Variants in HS6ST3 observed in about 807,000 individuals in gnomAD.
The protein encoded by HS6ST3 is heparan-sulfate 6-O-sulfotransferase 3.
Under a neutral mutation model 36.7 loss-of-function variants are expected in HS6ST3, and 12 were observed. The observed-to-expected ratio is 0.33, with a 90% CI of 0.21 to 0.53. The LOEUF (loss-of-function observed/expected upper bound fraction) is 0.53. HS6ST3 is among the 20% of genes least tolerant of loss of function. The pLI, the probability that HS6ST3 is intolerant of heterozygous loss-of-function variation, is 0.95. For missense variants in HS6ST3, 584 were observed against 640.9 expected (o/e 0.91, Z 0.96); for synonymous variants, 240 against 257.5 (o/e 0.93, Z 0.65).
chr13:96,267,952 CCTT>C (rs1188573267), intron 1 of HS6ST3, among the ~76,000 whole-genome samples: 1 of 151,834 alleles, frequency 6.6e-6, no homozygotes, highest in East Asian at 1.9e-4. Context: ...TAGGCAGCTT[CCTT>C]CTTGCTGTGT....
At chr13:96,145,974 C>T (rs1300174668) in intron 1 of HS6ST3, among the ~76,000 whole-genome samples, 2 of 152,056 alleles carry the variant, frequency 1.3e-5, no homozygotes, top group Non-Finnish European at 2.9e-5. Flanking sequence ...AGATACGTGG[C>T]ATTATTTCTG....
chr13:96,309,611 A>T (rs1003499396), intron 1 of HS6ST3, among the ~76,000 whole-genome samples: 3 of 152,170 alleles, frequency 2.0e-5, no homozygotes, highest in African/African-American at 7.2e-5. Flanking sequence ...CCAGAGAGAG[A>T]GAATCAAAGC....
intron 1 of HS6ST3, among the ~76,000 whole-genome samples, chr13:96,614,297 CAAAAAAAAAAAAAA>C (rs67979751): frequency 1.6e-4 from 7 of 43,968 alleles, no homozygotes; most frequent in Admixed American, 8.5e-4. Flanking sequence ...GGATCCATCT[CAAAAAAAAAAAAAA>C]AAAAAAAAAA....
chr13:96,787,382 C>T (rs1432625457), intron 1 of HS6ST3, among the ~76,000 whole-genome samples: 1 of 151,930 alleles, frequency 6.6e-6, no homozygotes, highest in Non-Finnish European at 1.5e-5. Flanking sequence ...CAGTTGTTTC[C>T]CATCCTTCCC....
chr13:96,352,678 C>T (rs749342651), intron 1 of HS6ST3, among the ~76,000 whole-genome samples: 21 of 151,910 alleles, frequency 1.4e-4, no homozygotes, highest in Non-Finnish European at 2.9e-4. Context: ...GAGGCTGCTA[C>T]CATAGAAGGT....
Position 96,534,863 on chromosome 13 carries a change from G to C in HS6ST3, c.708-297627G>C, listed in dbSNP as rs553868470. Among the ~76,000 whole-genome samples the C allele has an allele frequency of 5.9e-5, 9 of 152,338 alleles. No homozygotes were observed. The South Asian group carries it at 1.9e-3, about 32-fold the overall frequency. On this transcript the variant is annotated intron_variant, in intron 1 of 1. Coordinates refer to ENST00000376705, the MANE Select transcript of HS6ST3 (RefSeq NM_153456.4). ...AGCCCCAGCTACTTAGGGAGGCTGA[G>C]ACAGGAGAATCCCTTGAACCCAGGA...
intron 1 of HS6ST3, among the ~76,000 whole-genome samples, chr13:96,767,737 A>G (rs1459095919): frequency 6.6e-6 from 1 of 152,226 alleles, no homozygotes; most frequent in African/African-American, 2.4e-5. Flanking sequence ...TGGGGACTGA[A>G]GAATGCGGAC....
intron 1 of HS6ST3, among the ~76,000 whole-genome samples, chr13:96,180,624 A>T (rs1247278553): frequency 1.3e-5 from 2 of 152,260 alleles, no homozygotes; most frequent in Non-Finnish European, 2.9e-5. Context: ...CAAAACAATA[A>T]GAATGATTGA....
At chr13:96,320,696 G>A (rs989107381) in intron 1 of HS6ST3, among the ~76,000 whole-genome samples, 1 of 152,232 alleles carries the variant, frequency 6.6e-6, no homozygotes, top group African/African-American at 2.4e-5. Context: ...ACAGCTGCTA[G>A]CCCCAGCATG....
At chr13:96,367,617 A>T (rs1052142623) in intron 1 of HS6ST3, among the ~76,000 whole-genome samples, 2 of 152,182 alleles carry the variant, frequency 1.3e-5, no homozygotes, top group Non-Finnish European at 2.9e-5. Context: ...GTTAACAATG[A>T]TGGAAGTGAA....
chr13:96,717,742 T>C (rs1166630184), intron 1 of HS6ST3, among the ~76,000 whole-genome samples: 1 of 152,156 alleles, frequency 6.6e-6, no homozygotes, highest in Non-Finnish European at 1.5e-5. Context: ...GGTGTCAAGC[T>C]GGAAATGGTG....
intron 1 of HS6ST3, among the ~76,000 whole-genome samples, chr13:96,270,715 G>A (rs2054715514): frequency 6.6e-6 from 1 of 151,842 alleles, no homozygotes; most frequent in African/African-American, 2.4e-5. Context: ...GAAAAGAAAT[G>A]CACATATAAC....
chr13:96,606,220 G>A lies in HS6ST3; in HGVS notation c.708-226270G>A, dbSNP rs201176967. 3.9e-5 allele frequency among the ~76,000 whole-genome samples: 6 copies of A among 152,254 alleles called. No homozygotes were observed. The East Asian group carries it at 9.7e-4, about 25-fold the overall frequency. Reference sequence around the variant, plus strand: ...TTGGACCCAGCAATCCCATTACTGTGTATGTACCCAATGGAAAATAAATAG... The same window carrying A: ...TTGGACCCAGCAATCCCATTACTGTATATGTACCCAATGGAAAATAAATAG... On this transcript the variant is annotated intron_variant, in intron 1 of 1. Coordinates refer to ENST00000376705, the MANE Select transcript of HS6ST3 (RefSeq NM_153456.4).
At chr13:96,447,399 T>G (rs532986497) in intron 1 of HS6ST3, among the ~76,000 whole-genome samples, 1 of 152,352 alleles carries the variant, frequency 6.6e-6, no homozygotes, top group African/African-American at 2.4e-5. Context: ...TAGGAGTTAC[T>G]AAGAAATTAT....
At chr13:96,539,296 C>T (rs893706664) in intron 1 of HS6ST3, among the ~76,000 whole-genome samples, 2 of 152,260 alleles carry the variant, frequency 1.3e-5, no homozygotes, top group African/African-American at 4.8e-5. Context: ...TGTCTCCATC[C>T]TATGACTACG....
At chr13:96,437,246 T>G (rs1325600996) in intron 1 of HS6ST3, among the ~76,000 whole-genome samples, 1 of 152,208 alleles carries the variant, frequency 6.6e-6, no homozygotes, top group Non-Finnish European at 1.5e-5. Flanking sequence ...CCTTGTTAAT[T>G]TTCTCTCCTT....
At chr13:96,489,159 G>T (rs183113157) in intron 1 of HS6ST3, among the ~76,000 whole-genome samples, 1,996 of 151,860 alleles carry the variant, frequency 0.013, 17 homozygotes, top group Non-Finnish European at 0.023. Context: ...AGCATTTCTT[G>T]CCTCTATTAG....
At chr13:96,130,457 A>G (rs2053970299) in intron 1 of HS6ST3, among the ~76,000 whole-genome samples, 1 of 152,154 alleles carries the variant, frequency 6.6e-6, no homozygotes, top group Admixed American at 6.5e-5. Context: ...AATGAGTAAT[A>G]TTGTCCTATA....
intron 1 of HS6ST3, among the ~76,000 whole-genome samples, chr13:96,642,514 C>A (rs978729285): frequency 6.6e-6 from 1 of 151,774 alleles, no homozygotes; most frequent in African/African-American, 2.4e-5. Flanking sequence ...TTTTGGGACT[C>A]CCAGTATGTA....
Sources: allele counts gnomAD v4.1 joint callset (sites outside exome capture counted in the v4.1 genomes callset), GRCh38; gene constraint gnomAD v4.1.1; transcripts MANE v1.5; gene names NCBI Gene and HGNC (gene_info 2026-07-23, HGNC 2026-07-21).